CLDN16: variants seen among roughly 807,000 people sequenced by gnomAD.
The protein encoded by CLDN16 is claudin 16, also known as claudin-16.
Under a neutral mutation model 24.6 loss-of-function variants are expected in CLDN16, and 13 were observed. The ratio of observed to expected loss-of-function variants is 0.53; its 90% CI spans 0.34 to 0.84. The LOEUF is 0.84. Ranked by LOEUF, CLDN16 falls within the 40% of genes least tolerant of loss-of-function variation. The probability of loss-of-function intolerance (pLI) is 0.01; values close to 1 mark genes in which losing one functional copy is unlikely to be tolerated. For missense variants in CLDN16, 298 were observed against 292.7 expected (o/e 1.02, Z -0.13); for synonymous variants, 116 against 106.7 (o/e 1.09, Z -0.54).
At chr3:190,323,867 A>C (rs1217843695) in intron 1 of CLDN16, among the ~76,000 whole-genome samples, 1 of 152,178 alleles carries the variant, frequency 6.6e-6, no homozygotes, top group African/African-American at 2.4e-5. Context: ...GATGAAGACA[A>C]TTAATTTGGA....
chr3:190,399,391 A>T (rs966565943), intron 1 of CLDN16, among the ~76,000 whole-genome samples: 2 of 151,984 alleles, frequency 1.3e-5, no homozygotes, highest in African/African-American at 2.4e-5. Context: ...GCATGCCTGT[A>T]ATCCCATCTA....
At chr3:190,303,308 C>A in the CLDN16 span, among the ~76,000 whole-genome samples, 1 of 151,996 alleles carries the variant, frequency 6.6e-6, no homozygotes, top group Non-Finnish European at 1.5e-5. Flanking sequence ...CAAGCAGCAG[C>A]AATAGACACT....
exon 1 of CLDN16, chr3:190,322,569 G>T: frequency 3.2e-6 from 1 of 310,320 alleles, no homozygotes; most frequent in South Asian, 3.4e-5. Context: ...CCCGGTTGGG[G>T]AACGCGCGGC....
intron 1 of CLDN16, among the ~76,000 whole-genome samples, chr3:190,325,611 T>C (rs528267580): frequency 6.6e-6 from 1 of 152,102 alleles, no homozygotes; most frequent in Non-Finnish European, 1.5e-5. Flanking sequence ...GTAGAAGAGA[T>C]ATACACATAA....
chr3:190,370,077 G>T (rs191478769), intron 1 of CLDN16, among the ~76,000 whole-genome samples: 1 of 152,026 alleles, frequency 6.6e-6, no homozygotes, highest in Admixed American at 6.6e-5. Context: ...AAAGGCAAGA[G>T]CACTAAATGG....
chr3:190,311,907 CTT>C, the CLDN16 span, among the ~76,000 whole-genome samples: 1 of 151,666 alleles, frequency 6.6e-6, no homozygotes, highest in African/African-American at 2.4e-5. Flanking sequence ...CATAATGTAA[CTT>C]ATCAATCAAC....
At chr3:190,403,797 T>C (rs927329222) in intron 2 of CLDN16, among the ~76,000 whole-genome samples, 7 of 152,154 alleles carry the variant, frequency 4.6e-5, no homozygotes, top group African/African-American at 1.7e-4. Context: ...TCTTTTCCCC[T>C]CTCTGTGCTA....
intron 1 of CLDN16, among the ~76,000 whole-genome samples, chr3:190,400,419 G>A (rs978663267): frequency 6.6e-6 from 1 of 151,968 alleles, no homozygotes; most frequent in East Asian, 1.9e-4. Context: ...TTTTAGTAGA[G>A]ACGGGGTTTC....
At chr3:190,389,306 A>G (rs1188377515) in intron 1 of CLDN16, among the ~76,000 whole-genome samples, 2 of 152,226 alleles carry the variant, frequency 1.3e-5, no homozygotes, top group Non-Finnish European at 2.9e-5. Context: ...AGCTCAAAAA[A>G]AGGAGTATAT....
At chr3:190,315,951 C>T in the CLDN16 span, among the ~76,000 whole-genome samples, 2 of 152,146 alleles carry the variant, frequency 1.3e-5, no homozygotes, top group Non-Finnish European at 2.9e-5. Context: ...CCTGGAATGA[C>T]CTAATATTCA....
chr3:190,341,683 C>A (rs1336358744), intron 1 of CLDN16, among the ~76,000 whole-genome samples: 1 of 152,284 alleles, frequency 6.6e-6, no homozygotes, highest in East Asian at 1.9e-4. Context: ...ATTTCTATAG[C>A]CGGCTTGGAT....
upstream of CLDN16, chr3:190,322,215 C>G (rs1560077411): frequency 1.2e-6 from 2 of 1,612,790 alleles, no homozygotes; most frequent in Non-Finnish European, 1.7e-6. Flanking sequence ...ATGACTCGCT[C>G]GGGCGCCCGC....
At chr3:190,330,145 T>G (rs1717153606) in intron 1 of CLDN16, among the ~76,000 whole-genome samples, 1 of 152,170 alleles carries the variant, frequency 6.6e-6, no homozygotes, top group Non-Finnish European at 1.5e-5. Flanking sequence ...ATATAGTACC[T>G]AATATTCTGA....
intron 1 of CLDN16, among the ~76,000 whole-genome samples, chr3:190,334,904 G>C (rs1170831953): frequency 1.3e-5 from 2 of 152,132 alleles, no homozygotes; most frequent in Non-Finnish European, 2.9e-5. Context: ...CTTGCATCTA[G>C]GCAGTAGAAT....
chr3:190,343,622 T>C (rs1398857734), intron 1 of CLDN16, among the ~76,000 whole-genome samples: 1 of 152,046 alleles, frequency 6.6e-6, no homozygotes, highest in East Asian at 1.9e-4. Flanking sequence ...TTATTCAGCC[T>C]TAAGTACAAA....
intron 1 of CLDN16, among the ~76,000 whole-genome samples, chr3:190,347,400 G>A (rs1262646193): frequency 3.9e-5 from 6 of 152,206 alleles, no homozygotes; most frequent in African/African-American, 7.2e-5. Context: ...ATTCAGAGAT[G>A]CCAGTGCTGA....
chr3:190,298,454 C>CTT, the CLDN16 span, among the ~76,000 whole-genome samples: 35,323 of 139,620 alleles, frequency 0.25, 4,663 homozygotes, highest in Middle Eastern at 0.28. Flanking sequence ...CTGGGAGTTG[C>CTT]TTTTTTTTTT....
At chr3:190,368,786 A>G (rs914614143) in intron 1 of CLDN16, among the ~76,000 whole-genome samples, 3 of 151,906 alleles carry the variant, frequency 2.0e-5, no homozygotes, top group Non-Finnish European at 4.4e-5. Context: ...AGCATAAATA[A>G]TTGGTTACAA....
chr3:190,372,377 G>GCCTA (rs1382391480), intron 2 of CLDN16, among the ~76,000 whole-genome samples: 1 of 151,868 alleles, frequency 6.6e-6, no homozygotes, highest in Admixed American at 6.6e-5. Context: ...GCACAGTGGA[G>GCCTA]CCTACCTGTT....
Sources: allele counts gnomAD v4.1 joint callset (sites outside exome capture counted in the v4.1 genomes callset), GRCh38; gene constraint gnomAD v4.1.1; transcripts MANE v1.5; gene names NCBI Gene and HGNC (gene_info 2026-07-23, HGNC 2026-07-21).